The following MAST4 variants were observed in gnomAD, a reference collection of about 807,000 sequenced individuals.
The protein encoded by MAST4 is microtubule associated serine/threonine kinase family member 4, also known as microtubule-associated serine/threonine-protein kinase 4.
A neutral mutation model predicts 162.7 loss-of-function variants in MAST4; 89 were observed. That is an observed-to-expected ratio of 0.55 (90% CI 0.46 to 0.65). The LOEUF (loss-of-function observed/expected upper bound fraction) is 0.65. MAST4 is among the 30% of genes least tolerant of loss of function. The pLI is 0.00. For synonymous variants in MAST4, 1,479 were observed against 1,361.1 expected, an observed-to-expected ratio of 1.09 and a Z score of -1.91; for missense variants, 3,153 against 3,374.0, an observed-to-expected ratio of 0.93 and a Z score of 1.62.
At chr5:66,763,988 A>G (rs1045718873) in intron 2 of MAST4, among the ~76,000 whole-genome samples, 6 of 152,200 alleles carry the variant, frequency 3.9e-5, no homozygotes, top group Admixed American at 2.0e-4. Flanking sequence ...GAAGGATGCT[A>G]TGGCCTTTTT....
chr5:66,684,536 C>T (rs909588559), intron 1 of MAST4, among the ~76,000 whole-genome samples: 7 of 152,132 alleles, frequency 4.6e-5, no homozygotes, highest in East Asian at 1.9e-4. Context: ...TGTATATATG[C>T]ATTGTGAATG....
At chr5:67,138,606 G>T (rs1406921822) in intron 19 of MAST4, among the ~76,000 whole-genome samples, 1 of 152,088 alleles carries the variant, frequency 6.6e-6, no homozygotes, top group East Asian at 1.9e-4. Context: ...GCTACTTTTT[G>T]TATTTTTAGT....
At chr5:66,809,145 G>A (rs1231576597) in intron 3 of MAST4, among the ~76,000 whole-genome samples, 1 of 152,194 alleles carries the variant, frequency 6.6e-6, no homozygotes, top group Non-Finnish European at 1.5e-5. Flanking sequence ...TACATAGTTT[G>A]AAACAGAACT....
chr5:67,126,676 G>A (rs371541702), intron 14 of MAST4, among the ~76,000 whole-genome samples: 10 of 152,238 alleles, frequency 6.6e-5, no homozygotes, highest in East Asian at 3.9e-4. Context: ...GTCAGGTAGC[G>A]TGATGCCTCC....
intron 1 of MAST4, among the ~76,000 whole-genome samples, chr5:66,670,677 A>G (rs928904772): frequency 2.6e-5 from 4 of 152,208 alleles, no homozygotes; most frequent in South Asian, 2.1e-4. Flanking sequence ...TGACATCCCT[A>G]TAAGAACAAA....
intron 4 of MAST4, among the ~76,000 whole-genome samples, chr5:67,017,452 AGTTTT>A (rs1292105857): frequency 6.6e-6 from 1 of 152,198 alleles, no homozygotes; most frequent in East Asian, 1.9e-4. Flanking sequence ...ACTAGGTGTT[AGTTTT>A]GTTTTGTTGA....
At chr5:67,073,123 G>A (rs1210955450) in intron 5 of MAST4, among the ~76,000 whole-genome samples, 1 of 152,172 alleles carries the variant, frequency 6.6e-6, no homozygotes, top group Non-Finnish European at 1.5e-5. Context: ...CACAGAATTA[G>A]TATTAGTACC....
At chr5:67,069,069 T>C (rs1469273676) in intron 5 of MAST4, among the ~76,000 whole-genome samples, 1 of 151,976 alleles carries the variant, frequency 6.6e-6, no homozygotes, top group Admixed American at 6.6e-5. Context: ...ATGAGCATTC[T>C]AAAGTGGTCC....
chr5:66,776,317 A>T (rs1049294570), intron 2 of MAST4, among the ~76,000 whole-genome samples: 2 of 152,196 alleles, frequency 1.3e-5, no homozygotes, highest in Non-Finnish European at 2.9e-5. Flanking sequence ...GAGTGCATCC[A>T]TCAGAGCATC....
At chr5:67,162,147 T>C (rs1773253732) in intron 27 of MAST4, among the ~76,000 whole-genome samples, 1 of 152,198 alleles carries the variant, frequency 6.6e-6, no homozygotes, top group South Asian at 2.1e-4. Flanking sequence ...GCACAGCAAA[T>C]AGCCCTTCAT....
At chr5:66,628,420 G>C (rs945139850) in intron 1 of MAST4, among the ~76,000 whole-genome samples, 1 of 150,808 alleles carries the variant, frequency 6.6e-6, no homozygotes, top group African/African-American at 2.4e-5. Flanking sequence ...GGGGGAAAAT[G>C]CTGCTTATCT....
intron 1 of MAST4, among the ~76,000 whole-genome samples, chr5:66,727,160 A>G (rs907394055): frequency 6.6e-6 from 1 of 152,214 alleles, no homozygotes; most frequent in Non-Finnish European, 1.5e-5. Flanking sequence ...TTAAACTTAT[A>G]GTGAAAAATA....
intron 4 of MAST4, among the ~76,000 whole-genome samples, chr5:66,993,200 AAATC>A (rs1163037205): frequency 6.6e-6 from 1 of 152,242 alleles, no homozygotes; most frequent in Non-Finnish European, 1.5e-5. Context: ...TTTAAAAGAA[AAATC>A]ATCCAGCCAA....
chr5:67,149,473 G>A lies in MAST4; in HGVS notation c.3179G>A (p.Ser1060Asn). The change falls in exon 24 of 29, where the codon AGT (serine) becomes AAT (asparagine). Residue 1060 changes from serine (S) to asparagine (N), a missense_variant. By Grantham distance (46) the Ser-to-Asn change is conservative. Around this residue, in one of 7 missense-constraint regions of MAST4, gnomAD observed 619 missense variants for 744.2 expected, o/e 0.83. Transcript: ENST00000403625. Reference protein sequence around the residue: ...DSTDNSSKPSSEPASHMARQR... With the variant: ...DSTDNSSKPSNEPASHMARQR... ...ACAGATAATTCCTCAAAGCCATCCA[G>A]TGAACCCGCTTCTCACATGGCTCGG... 1 of 1,613,740 alleles carries A rather than the reference G, an allele frequency of 6.2e-7. No individual in the cohort carries two copies.
intron 1 of MAST4, among the ~76,000 whole-genome samples, chr5:66,712,970 T>C (rs988060127): frequency 2.0e-5 from 3 of 152,208 alleles, no homozygotes; most frequent in African/African-American, 7.2e-5. Context: ...CTGAGAACAG[T>C]GTCAGTGGGA....
intron 2 of MAST4, among the ~76,000 whole-genome samples, chr5:66,767,167 GCA>G (rs1307639457): frequency 2.4e-5 from 3 of 127,010 alleles, no homozygotes; most frequent in South Asian, 2.7e-4. Flanking sequence ...AATGTAAAGT[GCA>G]CGTGTGTGTG....
chr5:66,691,756 A>G (rs1224547621), intron 1 of MAST4, among the ~76,000 whole-genome samples: 2 of 152,092 alleles, frequency 1.3e-5, no homozygotes, highest in Non-Finnish European at 2.9e-5. Flanking sequence ...TCATGACCCA[A>G]TCACCCCCTC....
chr5:67,031,162 C>T (rs1755268066), intron 4 of MAST4, among the ~76,000 whole-genome samples: 1 of 152,054 alleles, frequency 6.6e-6, no homozygotes, highest in Non-Finnish European at 1.5e-5. Context: ...AATATCAGTT[C>T]CTGGTGGGTG....
intron 1 of MAST4, among the ~76,000 whole-genome samples, chr5:66,628,453 A>G (rs1744588836): frequency 6.6e-6 from 1 of 151,320 alleles, no homozygotes; most frequent in African/African-American, 2.4e-5. Flanking sequence ...TGACATGTTG[A>G]TTATTTACAA....
Sources: gnomAD v4.1 joint callset for allele counts (sites outside exome capture counted in the v4.1 genomes callset) on GRCh38, gnomAD v4.1.1 for gene constraint, gnomAD v4.1.1 regional missense constraint, MANE v1.5 for transcripts, NCBI Gene and HGNC (gene_info 2026-07-23, HGNC 2026-07-21) for gene names.